The following ELOVL5 variants were observed in gnomAD, a reference collection of about 807,000 sequenced individuals.
ELOVL5 encodes ELOVL fatty acid elongase 5.
In ELOVL5, 8 loss-of-function variants were observed where a neutral mutation model predicts 38.6. That is an observed-to-expected ratio of 0.21 (90% CI 0.12 to 0.37). The LOEUF (loss-of-function observed/expected upper bound fraction) is 0.37, where lower values mean the gene tolerates loss of function less well. Among genes scored for constraint, ELOVL5 ranks in the 10% least tolerant of loss-of-function variants. The probability of loss-of-function intolerance (pLI) is 1.00; values close to 1 mark genes in which losing one functional copy is unlikely to be tolerated. For synonymous variants in ELOVL5, 127 were observed against 133.7 expected (o/e 0.95, Z 0.34); for missense variants, 280 against 367.8 (o/e 0.76, Z 1.95).
At chr6:53,348,177 G>A (rs1769652356) in intron 1 of ELOVL5, among the ~76,000 whole-genome samples, 3 of 152,124 alleles carry the variant, frequency 2.0e-5, no homozygotes, top group Admixed American at 2.0e-4. Context: ...GCCGTTGTCT[G>A]GTTTCAATAA....
At chr6:53,341,032 C>T (rs1051550649) in intron 1 of ELOVL5, among the ~76,000 whole-genome samples, 1 of 152,204 alleles carries the variant, frequency 6.6e-6, no homozygotes, top group African/African-American at 2.4e-5. Context: ...AATCCAGCCA[C>T]ACTAGACCAG....
chr6:53,315,248 C>T (rs778525752), intron 1 of ELOVL5, among the ~76,000 whole-genome samples: 1 of 152,082 alleles, frequency 6.6e-6, no homozygotes, highest in Admixed American at 6.5e-5. Flanking sequence ...CCCTCTTCCT[C>T]CTATAAAAAT....
rs373489693 is a variant in ELOVL5, at chr6:53,270,691, C to T, written c.658G>A (p.Gly220Arg). The T allele has an allele frequency of 1.2e-6, 2 of 1,613,998 alleles. No homozygotes were observed. Among genetic ancestry groups the T allele is most frequent in the African/African-American group, 1.3e-5 (1 of 74,910 alleles). Residue 220 changes from glycine (G) to arginine (R), a missense_variant, in exon 7 of 8, where the codon GGG (glycine) becomes AGG (arginine). Gly to Arg is a moderately radical substitution (Grantham distance 125). Transcript: ENST00000304434. ...FVLTIIQTSC[G>R]VIWPCTFPLG... The stretch of plus-strand genomic sequence containing the variant: ...GGGAATGTGCACGGCCAGATGACCC[C>T]GCAGCTGGTCTGGATGATTGTCAGC...
At chr6:53,269,927 G>A (rs1458026052) in intron 7 of ELOVL5, among the ~76,000 whole-genome samples, 1 of 152,196 alleles carries the variant, frequency 6.6e-6, no homozygotes, top group Non-Finnish European at 1.5e-5. Flanking sequence ...TGCAGCCTCT[G>A]CCCTTGCTCC....
At chr6:53,328,651 T>G in intron 1 of ELOVL5, among the ~76,000 whole-genome samples, 1 of 152,198 alleles carries the variant, frequency 6.6e-6, no homozygotes, top group Non-Finnish European at 1.5e-5. Context: ...GCAGTATCTA[T>G]CCAAGAGACA....
At chr6:53,319,783 G>A (rs969660062) in intron 1 of ELOVL5, among the ~76,000 whole-genome samples, 2 of 152,030 alleles carry the variant, frequency 1.3e-5, no homozygotes, top group Non-Finnish European at 2.9e-5. Flanking sequence ...TCAGGGCTAG[G>A]GCCCTCTCTT....
In ELOVL5 at chr6:53,325,961, G is replaced by C. The variant is rs575721266; in HGVS notation, c.-9+22856C>G. Among the ~76,000 whole-genome samples the C allele has an allele frequency of 2.6e-4, 39 of 152,338 alleles. No homozygotes were observed. The South Asian group carries it at 8.1e-3, about 32-fold the overall frequency. On this transcript the variant is annotated intron_variant, in intron 1 of 7. Transcript: ENST00000304434. ...TTGTTAAATGAACTAACTCTGGACA[G>C]AGCATCAGGGAAGACTTCATGCAAG...
intron 1 of ELOVL5, among the ~76,000 whole-genome samples, chr6:53,308,610 G>A (rs1767699029): frequency 6.6e-6 from 1 of 152,138 alleles, no homozygotes; most frequent in Non-Finnish European, 1.5e-5. Context: ...ATAGATGCTA[G>A]GAAATATCTT....
At chr6:53,316,994 G>A (rs1768072173) in intron 1 of ELOVL5, among the ~76,000 whole-genome samples, 2 of 152,134 alleles carry the variant, frequency 1.3e-5, no homozygotes, top group African/African-American at 2.4e-5. Flanking sequence ...CTCTTACAGG[G>A]AAAAATAAGA....
At chr6:53,343,080 A>T (rs1255697300) in intron 1 of ELOVL5, among the ~76,000 whole-genome samples, 1 of 152,206 alleles carries the variant, frequency 6.6e-6, no homozygotes, top group African/African-American at 2.4e-5. Flanking sequence ...ACTGAAAATC[A>T]GGTCAGGATA....
At chr6:53,271,450 T>C (rs1002287302) in intron 6 of ELOVL5, among the ~76,000 whole-genome samples, 2 of 152,010 alleles carry the variant, frequency 1.3e-5, no homozygotes. Context: ...CTTGGGAGGC[T>C]GAGATAGGAG....
intron 3 of ELOVL5, among the ~76,000 whole-genome samples, chr6:53,283,213 AC>A (rs1398092265): frequency 6.6e-6 from 1 of 152,232 alleles, no homozygotes; most frequent in Non-Finnish European, 1.5e-5. Context: ...ATCAATTCTT[AC>A]CTATAATGCG....
intron 3 of ELOVL5, among the ~76,000 whole-genome samples, chr6:53,289,205 T>G (rs1298552812): frequency 6.6e-6 from 1 of 152,230 alleles, no homozygotes; most frequent in Non-Finnish European, 1.5e-5. Context: ...AAAAAATTCT[T>G]TACAGCCCCA....
intron 1 of ELOVL5, among the ~76,000 whole-genome samples, chr6:53,311,730 AC>A (rs1264479609): frequency 6.6e-6 from 1 of 152,232 alleles, no homozygotes; most frequent in African/African-American, 2.4e-5. Flanking sequence ...GATGCCAGAC[AC>A]AAAAGGCCAC....
chr6:53,269,153 T>C lies in ELOVL5; in HGVS notation c.874A>G (p.Lys292Glu). 1 of 1,613,974 alleles carries C rather than the reference T, an allele frequency of 6.2e-7. No individual in the cohort carries two copies. The highest frequency in any genetic ancestry group is 8.5e-7 in the Non-Finnish European group (1 of 1,179,924). ...NSFSPLENNV[K>E]PRKLRKD ...CAATCCTTCCGCAGCTTCCTTGGCT[T>C]CACATTGTTTTCCAGGGGTGAAAAG... Residue 292 changes from lysine (K) to glutamate (E), a missense_variant, in exon 8 of 8, where the codon AAG becomes GAG. Coordinates refer to ENST00000304434, the MANE Select transcript of ELOVL5 (RefSeq NM_021814.5).
chr6:53,334,643 C>A (rs915803619), intron 1 of ELOVL5, among the ~76,000 whole-genome samples: 2 of 152,130 alleles, frequency 1.3e-5, no homozygotes, highest in Admixed American at 6.5e-5. Flanking sequence ...CCCAATCCTG[C>A]ATCCCCAATT....
chr6:53,343,956 C>T (rs61123659), intron 1 of ELOVL5, among the ~76,000 whole-genome samples: 20,630 of 152,240 alleles, frequency 0.14, 1,641 homozygotes, highest in African/African-American at 0.21. Flanking sequence ...TTCCTTTTCT[C>T]ACCAGGGAAA....
At chr6:53,321,304 A>C (rs569948409) in intron 1 of ELOVL5, among the ~76,000 whole-genome samples, 2 of 152,250 alleles carry the variant, frequency 1.3e-5, no homozygotes, top group African/African-American at 4.8e-5. Flanking sequence ...ATCACCATCC[A>C]CGGTTCTGCA....
chr6:53,306,677 T>A (rs569175787), intron 1 of ELOVL5, among the ~76,000 whole-genome samples: 2 of 152,206 alleles, frequency 1.3e-5, no homozygotes, highest in African/African-American at 2.4e-5. Context: ...TTTACAACAA[T>A]CCACACAACA....
Sources: allele counts gnomAD v4.1 joint callset (sites outside exome capture counted in the v4.1 genomes callset), GRCh38; gene constraint gnomAD v4.1.1; transcripts MANE v1.5; gene names NCBI Gene and HGNC (gene_info 2026-07-23, HGNC 2026-07-21).